MBD5: variants seen among roughly 807,000 people sequenced by gnomAD.
MBD5 encodes methyl-CpG binding domain protein 5.
In MBD5, 13 loss-of-function variants were observed where a neutral mutation model predicts 117.3. The ratio of observed to expected loss-of-function variants is 0.11; its 90% CI spans 0.07 to 0.18. MBD5 has a LOEUF of 0.18. MBD5 is among the 10% of genes least tolerant of loss of function. The pLI is 1.00. For missense variants in MBD5, 1,879 were observed against 2,093.8 expected (o/e 0.90, Z 2.00); for synonymous variants, 727 against 766.4 (o/e 0.95, Z 0.85).
At chr2:148,115,123 T>C (rs1276305678) in intron 1 of MBD5, among the ~76,000 whole-genome samples, 1 of 152,206 alleles carries the variant, frequency 6.6e-6, no homozygotes, top group Non-Finnish European at 1.5e-5. Context: ...ATCAATATAC[T>C]GGTAACATCT....
At chr2:148,457,636 A>C (rs1706925858) in intron 4 of MBD5, among the ~76,000 whole-genome samples, 1 of 152,130 alleles carries the variant, frequency 6.6e-6, no homozygotes, top group Non-Finnish European at 1.5e-5. Flanking sequence ...CTTGACTATA[A>C]AGCAACTTCC....
At chr2:148,114,128 T>C (rs1373067699) in intron 1 of MBD5, among the ~76,000 whole-genome samples, 2 of 152,190 alleles carry the variant, frequency 1.3e-5, no homozygotes, top group Non-Finnish European at 2.9e-5. Context: ...ATGAAATAAA[T>C]CTTTGGACAC....
chr2:148,237,275 C>A (rs1389747185), intron 3 of MBD5, among the ~76,000 whole-genome samples: 2 of 152,088 alleles, frequency 1.3e-5, no homozygotes. Flanking sequence ...ATTTGGCTAA[C>A]TGTTGGGCGC....
Position 148,440,453 on chromosome 2 carries a change from T to G in MBD5, c.-556-17750T>G, listed in dbSNP as rs184265197. On this transcript the variant is annotated intron_variant, in intron 4 of 13. Coordinates refer to ENST00000642680, the MANE Select transcript of MBD5 (RefSeq NM_001378120.1). ...ATAAAATAAGAAAAGTAGATTCTAT[T>G]CGGCCTCCACTCAGTTTTGATTGAA... Among the ~76,000 whole-genome samples the G allele has an allele frequency of 1.2e-4, 19 of 152,336 alleles. 1 individual carries two copies. The East Asian group carries it at 3.3e-3, about 26-fold the overall frequency.
intron 4 of MBD5, among the ~76,000 whole-genome samples, chr2:148,445,885 G>A (rs1203627898): frequency 1.3e-5 from 2 of 151,398 alleles, no homozygotes; most frequent in Non-Finnish European, 2.9e-5. Context: ...CTAATGGCCG[G>A]TGATGATGAG....
At chr2:148,222,227 G>A (rs1699703810) in intron 2 of MBD5, among the ~76,000 whole-genome samples, 1 of 151,988 alleles carries the variant, frequency 6.6e-6, no homozygotes, top group Admixed American at 6.6e-5. Context: ...GCTTAGGATA[G>A]CTTTGACTAT....
At chr2:148,163,904 T>C (rs1156936847) in intron 1 of MBD5, among the ~76,000 whole-genome samples, 1 of 152,184 alleles carries the variant, frequency 6.6e-6, no homozygotes, top group Non-Finnish European at 1.5e-5. Flanking sequence ...ATATAATGAT[T>C]AGTATGGGGA....
chr2:148,380,115 A>G (rs532112793), intron 4 of MBD5, among the ~76,000 whole-genome samples: 22 of 152,320 alleles, frequency 1.4e-4, no homozygotes, highest in African/African-American at 5.1e-4. Flanking sequence ...AATGCAACAA[A>G]TATGACTAGA....
intron 2 of MBD5, among the ~76,000 whole-genome samples, chr2:148,190,966 G>A (rs1265155448): frequency 1.3e-5 from 2 of 148,648 alleles, no homozygotes; most frequent in African/African-American, 5.0e-5. Flanking sequence ...CCTAGTCTCT[G>A]ATAAAACAGA....
intron 4 of MBD5, among the ~76,000 whole-genome samples, chr2:148,449,979 G>A (rs1481718652): frequency 1.3e-5 from 2 of 151,972 alleles, no homozygotes; most frequent in Non-Finnish European, 2.9e-5. Flanking sequence ...GTATAATGGT[G>A]TTCTATTCCT....
intron 12 of MBD5, among the ~76,000 whole-genome samples, chr2:148,508,770 G>T (rs902447755): frequency 6.6e-6 from 1 of 152,078 alleles, no homozygotes; most frequent in South Asian, 2.1e-4. Flanking sequence ...ACCTAAGTAC[G>T]TATATATTTT....
chr2:148,197,806 G>GTTTTGTTTTTTGT (rs1699030406), intron 2 of MBD5, among the ~76,000 whole-genome samples: 2 of 92,520 alleles, frequency 2.2e-5, no homozygotes, highest in African/African-American at 9.0e-5. Flanking sequence ...TTTTTTTTTT[G>GTTTTGTTTTTTGT]TTTTTTTTTT....
intron 3 of MBD5, among the ~76,000 whole-genome samples, chr2:148,284,024 C>T (rs1047995101): frequency 1.3e-5 from 2 of 152,190 alleles, no homozygotes; most frequent in African/African-American, 4.8e-5. Flanking sequence ...TTTATATAAA[C>T]ACAAATATAA....
rs10692364 is a variant in MBD5 at position 148,239,019 on chromosome 2, TACAC to T, written c.-680+5633_-680+5636del. ...ATCATATATATATATATATATTATATACACACACACACGTGTGTGTGTATGAGTG... is the reference window on the plus strand; with the variant it reads ...ATCATATATATATATATATATTATATACACACACGTGTGTGTGTATGAGTG... On this transcript the variant is annotated intron_variant, in intron 3 of 13. Transcript: ENST00000642680. Among the ~76,000 whole-genome samples, 370 of 149,868 alleles carry T rather than the reference TACAC, an allele frequency of 2.5e-3. 1 individual carries two copies. Among genetic ancestry groups the T allele is most frequent in the African/African-American group, 8.4e-3 (345 of 40,960 alleles).
At chr2:148,408,019 G>A (rs1465241212) in intron 4 of MBD5, among the ~76,000 whole-genome samples, 1 of 133,970 alleles carries the variant, frequency 7.5e-6, no homozygotes, top group Non-Finnish European at 1.7e-5. Flanking sequence ...TAGATCATTA[G>A]AGGCTAGTTT....
intron 4 of MBD5, among the ~76,000 whole-genome samples, chr2:148,367,703 T>C (rs1255718981): frequency 6.6e-6 from 1 of 152,208 alleles, no homozygotes. Context: ...AAGACATTTA[T>C]GCAGCCAACA....
chr2:148,052,848 A>G (rs537584591), intron 1 of MBD5, among the ~76,000 whole-genome samples: 47 of 151,164 alleles, frequency 3.1e-4, no homozygotes, highest in African/African-American at 1.0e-3. Context: ...AATGCTGTGT[A>G]TTTACTTTAG....
intron 3 of MBD5, among the ~76,000 whole-genome samples, chr2:148,297,971 A>G (rs765083279): frequency 6.6e-6 from 1 of 152,218 alleles, no homozygotes; most frequent in African/African-American, 2.4e-5. Flanking sequence ...ACTAGCCTGA[A>G]GCTAAGGTTA....
At chr2:148,281,421 T>G (rs1275861306) in intron 3 of MBD5, among the ~76,000 whole-genome samples, 1 of 152,168 alleles carries the variant, frequency 6.6e-6, no homozygotes, top group Non-Finnish European at 1.5e-5. Flanking sequence ...TTTGTCATTT[T>G]TTTGCATACA....
Sources: allele counts gnomAD v4.1 joint callset (sites outside exome capture counted in the v4.1 genomes callset), GRCh38; gene constraint gnomAD v4.1.1; transcripts MANE v1.5; gene names NCBI Gene and HGNC (gene_info 2026-07-23, HGNC 2026-07-21).